PARD3: variants seen among roughly 807,000 people sequenced by gnomAD.
PARD3 encodes the protein par-3 family cell polarity regulator, also known as partitioning defective 3 homolog.
Under a neutral mutation model 155.4 loss-of-function variants are expected in PARD3, and 75 were observed. The observed-to-expected ratio is 0.48, with a 90% CI of 0.40 to 0.58. The LOEUF is 0.58. Ranked by LOEUF, PARD3 falls within the 20% of genes least tolerant of loss-of-function variation. PARD3 has a pLI of 0.00. For synonymous variants in PARD3, 576 were observed against 610.5 expected (o/e 0.94, Z 0.83); for missense variants, 1,642 against 1,721.7 (o/e 0.95, Z 0.82).
At chr10:34,431,444 G>T (rs138104812) in intron 5 of PARD3, among the ~76,000 whole-genome samples, 1 of 152,052 alleles carries the variant, frequency 6.6e-6, no homozygotes, top group Admixed American at 6.6e-5. Flanking sequence ...AATTTGTGCC[G>T]GGTGTGGTAG....
intron 16 of PARD3, 106 bp from the exon 17 acceptor site, chr10:34,337,532 T>TTA: frequency 1.9e-6 from 1 of 519,666 alleles, no homozygotes; most frequent in Non-Finnish European, 3.0e-6. Context: ...ATATGTATAT[T>TTA]CCTCAAGAAA....
At chr10:34,268,867 T>C (rs1337142762) in intron 22 of PARD3, among the ~76,000 whole-genome samples, 3 of 152,146 alleles carry the variant, frequency 2.0e-5, no homozygotes, top group African/African-American at 7.2e-5. Context: ...ACATGGCACA[T>C]GTATACATAT....
chr10:34,536,049 A>G (rs2083204321), intron 2 of PARD3, among the ~76,000 whole-genome samples: 1 of 152,182 alleles, frequency 6.6e-6, no homozygotes, highest in African/African-American at 2.4e-5. Flanking sequence ...CTGATAAAAC[A>G]TTCCAAAAAT....
At chr10:34,613,756 C>T (rs996279351) in intron 2 of PARD3, among the ~76,000 whole-genome samples, 2 of 152,218 alleles carry the variant, frequency 1.3e-5, no homozygotes, top group African/African-American at 4.8e-5. Flanking sequence ...CGTCCACATT[C>T]TCCGGAGATC....
At position 34,575,476 on chromosome 10, in the gene PARD3, T is replaced by G. The variant is rs931127824; in HGVS notation, c.223-58317A>C. On this transcript the variant is annotated intron_variant, in intron 2 of 24. Transcript: ENST00000374788. ...GGCTCCTATCTCCTATTTCTGCACA[T>G]AAAGAGCACACCCCTTAGGATAGGG... 3.9e-5 allele frequency among the ~76,000 whole-genome samples: 6 copies of G among 152,348 alleles called. No individual in the cohort carries two copies. In the East Asian group the frequency reaches 5.8e-4, roughly 15 times the overall value.
At chr10:34,282,389 G>C in intron 21 of PARD3, among the ~76,000 whole-genome samples, 1 of 152,004 alleles carries the variant, frequency 6.6e-6, no homozygotes, top group Admixed American at 6.6e-5. Context: ...GTACAGAGAT[G>C]GAAATTAAAA....
intron 20 of PARD3, among the ~76,000 whole-genome samples, chr10:34,313,461 G>A (rs544967064): frequency 2.7e-4 from 41 of 152,122 alleles, no homozygotes; most frequent in Non-Finnish European, 5.3e-4. Context: ...GCATTAAGGC[G>A]GCTTTTGTAG....
intron 16 of PARD3, 50 bp from the exon 17 acceptor site, chr10:34,337,476 C>T (rs1836314055): frequency 1.5e-6 from 2 of 1,318,462 alleles, no homozygotes; most frequent in Non-Finnish European, 2.0e-6. Flanking sequence ...AAATAGCACG[C>T]ATCCATTTTA....
chr10:34,320,492 C>T (rs191062961), intron 19 of PARD3, among the ~76,000 whole-genome samples: 10 of 152,230 alleles, frequency 6.6e-5, no homozygotes, highest in African/African-American at 2.2e-4. Flanking sequence ...CTATCAGTAG[C>T]GATTCTGTTA....
At chr10:34,241,720 G>C (rs906262893) in intron 22 of PARD3, among the ~76,000 whole-genome samples, 1 of 152,154 alleles carries the variant, frequency 6.6e-6, no homozygotes, top group Admixed American at 6.5e-5. Flanking sequence ...TTGAGCCTGT[G>C]GGAGTAATAG....
intron 22 of PARD3, among the ~76,000 whole-genome samples, chr10:34,194,043 T>A (rs1240553445): frequency 1.3e-5 from 2 of 152,040 alleles, no homozygotes; most frequent in Non-Finnish European, 2.9e-5. Flanking sequence ...ATTTTATCTC[T>A]CCGATTTCAC....
chr10:34,656,605 C>T (rs1225399424), intron 2 of PARD3, among the ~76,000 whole-genome samples: 1 of 152,162 alleles, frequency 6.6e-6, no homozygotes, highest in Non-Finnish European at 1.5e-5. Context: ...TATTGTTATG[C>T]TTTTAGAAAG....
At chr10:34,413,403 C>T (rs541237156) in intron 5 of PARD3, among the ~76,000 whole-genome samples, 20 of 150,008 alleles carry the variant, frequency 1.3e-4, no homozygotes, top group South Asian at 4.2e-4. Flanking sequence ...AAAGTCAGCT[C>T]GGTCTTTTGT....
intron 5 of PARD3, among the ~76,000 whole-genome samples, chr10:34,412,789 T>C (rs912657982): frequency 6.6e-6 from 1 of 152,168 alleles, no homozygotes; most frequent in African/African-American, 2.4e-5. Context: ...CAGCTCCTTT[T>C]ATATGAAACA....
chr10:34,686,007 A>C (rs1322661669), intron 2 of PARD3, among the ~76,000 whole-genome samples: 2 of 152,198 alleles, frequency 1.3e-5, no homozygotes, highest in Admixed American at 1.3e-4. Flanking sequence ...TTTGCATGTA[A>C]AACACTGAAC....
intron 22 of PARD3, among the ~76,000 whole-genome samples, chr10:34,228,619 A>T (rs911893574): frequency 2.0e-5 from 3 of 152,106 alleles, no homozygotes; most frequent in Admixed American, 2.0e-4. Context: ...AGACTTGTAC[A>T]CTTTAAACGG....
At chr10:34,296,707 G>A (rs1236957857) in intron 20 of PARD3, among the ~76,000 whole-genome samples, 1 of 152,190 alleles carries the variant, frequency 6.6e-6, no homozygotes, top group Admixed American at 6.5e-5. Context: ...AGTACATGCT[G>A]ATGGTGGATG....
intron 2 of PARD3, among the ~76,000 whole-genome samples, chr10:34,656,167 C>G (rs539584681): frequency 2.5e-4 from 38 of 152,104 alleles, no homozygotes; most frequent in Non-Finnish European, 4.3e-4. Context: ...CCACTGCCCC[C>G]CATAAACCAC....
At chr10:34,136,218 A>G (rs1488369961) in intron 22 of PARD3, among the ~76,000 whole-genome samples, 1 of 152,162 alleles carries the variant, frequency 6.6e-6, no homozygotes, top group Non-Finnish European at 1.5e-5. Context: ...AAAACTGATA[A>G]CCAGGCACTG....
Sources: allele counts gnomAD v4.1 joint callset (sites outside exome capture counted in the v4.1 genomes callset), GRCh38; gene constraint gnomAD v4.1.1; transcripts MANE v1.5; gene names NCBI Gene and HGNC (gene_info 2026-07-23, HGNC 2026-07-21).